PRSS23: variants seen among roughly 807,000 people sequenced by gnomAD.
PRSS23 encodes serine protease 23.
Under a neutral mutation model 34.7 loss-of-function variants are expected in PRSS23, and 25 were observed. The observed-to-expected ratio is 0.72, with a 90% CI of 0.53 to 1.01. PRSS23 has a LOEUF of 1.01. Among genes scored for constraint, PRSS23 ranks in the 50% least tolerant of loss-of-function variants. The probability of loss-of-function intolerance (pLI) is 0.00; values close to 1 mark genes in which losing one functional copy is unlikely to be tolerated. For synonymous variants in PRSS23, 176 were observed against 186.6 expected, an observed-to-expected ratio of 0.94 and a Z score of 0.46; for missense variants, 445 against 475.6, an observed-to-expected ratio of 0.94 and a Z score of 0.60.
chr11:86,950,898 A>AT (rs1242181001), intron 2 of PRSS23: 16 of 575,588 alleles, frequency 2.8e-5, no homozygotes, highest in Non-Finnish European at 4.9e-5. Flanking sequence ...CAACGTTTTG[A>AT]TTTTTCACAG....
chr11:86,853,547 G>T (rs1052840746), intron 2 of PRSS23, among the ~76,000 whole-genome samples: 1 of 152,034 alleles, frequency 6.6e-6, no homozygotes, highest in South Asian at 2.1e-4. Flanking sequence ...GAGCCACTGC[G>T]CTGGCCAGAA....
upstream of PRSS23, among the ~76,000 whole-genome samples, chr11:86,799,833 G>C (rs961224863): frequency 1.3e-5 from 2 of 152,100 alleles, no homozygotes; most frequent in Non-Finnish European, 2.9e-5. Context: ...AGCCACCGCC[G>C]CTCAGAAGCT....
rs987865650 is a variant in PRSS23 at position 86,891,830 on chromosome 11, G to A, written c.207-59386G>A. Among the ~76,000 whole-genome samples the A allele has an allele frequency of 1.0e-3, 158 of 152,194 alleles. 1 individual carries two copies. The highest frequency in any genetic ancestry group is 3.5e-3 in the African/African-American group (144 of 41,516). Reference sequence around the variant, plus strand: ...AGATCTGATGGTTTTCTAAGTGTTTGGTAGTTCCTCCTGCGTTCATTCTCC... The same window carrying A: ...AGATCTGATGGTTTTCTAAGTGTTTAGTAGTTCCTCCTGCGTTCATTCTCC... On this transcript the variant is annotated intron_variant, in intron 2 of 2. Coordinates refer to the PRSS23 transcript ENST00000533902.
At chr11:86,811,903 C>G (rs911672814), downstream of PRSS23, among the ~76,000 whole-genome samples, 1 of 152,082 alleles carries the variant, frequency 6.6e-6, no homozygotes, top group Non-Finnish European at 1.5e-5. Flanking sequence ...GGAATTCTGA[C>G]AGTGATCCCC....
chr11:86,891,406 C>T (rs1948840169), intron 2 of PRSS23, among the ~76,000 whole-genome samples: 1 of 152,054 alleles, frequency 6.6e-6, no homozygotes, highest in African/African-American at 2.4e-5. Context: ...CAGGGTATTC[C>T]ATAAATCATC....
intron 2 of PRSS23, among the ~76,000 whole-genome samples, chr11:86,925,604 C>A (rs1949075967): frequency 6.6e-6 from 1 of 152,154 alleles, no homozygotes; most frequent in South Asian, 2.1e-4. Flanking sequence ...CAGAATATTA[C>A]AATAATAACA....
At chr11:86,907,584 C>T (rs1024791454) in intron 2 of PRSS23, among the ~76,000 whole-genome samples, 9 of 152,038 alleles carry the variant, frequency 5.9e-5, no homozygotes, top group African/African-American at 7.2e-5. Flanking sequence ...CTTAGCCTCC[C>T]GAGTAGCTGA....
intron 2 of PRSS23, among the ~76,000 whole-genome samples, chr11:86,887,168 C>T (rs1948807988): frequency 6.6e-6 from 1 of 152,168 alleles, no homozygotes; most frequent in African/African-American, 2.4e-5. Flanking sequence ...GACTCCAGAG[C>T]TGTGCTCGTT....
Position 86,810,260 on chromosome 11 carries a change from C to T in PRSS23, c.*1465C>T. On this transcript the variant is annotated 3_prime_UTR_variant, in exon 2 of 2. Coordinates refer to ENST00000280258, the MANE Select transcript of PRSS23 (RefSeq NM_007173.6). ...CAAATGGACTACAAGCACGTGTTTGCTGTGCTTGCACCCCAGGTAAACCTG... is the reference window on the plus strand; with the variant it reads ...CAAATGGACTACAAGCACGTGTTTGTTGTGCTTGCACCCCAGGTAAACCTG... The T allele has an allele frequency of 6.0e-6, 1 of 166,844 alleles. No individual in the cohort carries two copies. The allele number at this position is 166,844 out of a possible 1,614,324, so 10.3% of individuals were successfully genotyped here. A position where few individuals can be genotyped will look rare whatever the true frequency, so the allele number is the denominator to read the frequency against.
Position 86,811,149 on chromosome 11 carries a change from A to C in PRSS23, c.*2354A>C, listed in dbSNP as rs1362992376. The C allele has an allele frequency of 6.0e-6, 1 of 167,128 alleles. No individual in the cohort carries two copies. Among genetic ancestry groups the C allele is most frequent in the African/African-American group, 2.4e-5 (1 of 41,466 alleles). 10.4% of individuals were successfully genotyped at this position (167,128 alleles called of 1,614,324 possible). Reference sequence around the variant, plus strand: ...CAGAGGTTCACATGCCTGTCTGCACATTAAAAGCTCTGGGAAGACCTGTTG... The same window carrying C: ...CAGAGGTTCACATGCCTGTCTGCACCTTAAAAGCTCTGGGAAGACCTGTTG... On this transcript the variant is annotated 3_prime_UTR_variant, in exon 2 of 2. Coordinates refer to ENST00000280258, the MANE Select transcript of PRSS23 (RefSeq NM_007173.6).
At chr11:86,801,428 A>G (rs576512654) in intron 1 of PRSS23, among the ~76,000 whole-genome samples, 2 of 152,356 alleles carry the variant, frequency 1.3e-5, no homozygotes, top group East Asian at 3.9e-4. Flanking sequence ...GCAGCTGATA[A>G]AAATCCTGTT....
intron 2 of PRSS23, among the ~76,000 whole-genome samples, chr11:86,922,800 T>C (rs547838241): frequency 6.6e-6 from 1 of 152,358 alleles, no homozygotes; most frequent in South Asian, 2.1e-4. Flanking sequence ...CTGGTATGTT[T>C]GTTCACCTTC....
chr11:86,802,330 G>C (rs903779026), intron 1 of PRSS23, among the ~76,000 whole-genome samples: 4 of 152,190 alleles, frequency 2.6e-5, no homozygotes, highest in Admixed American at 6.5e-5. Context: ...TTGTGTTTAG[G>C]GTTGCTTGGA....
At chr11:86,839,368 G>C (rs928708683) in intron 2 of PRSS23, among the ~76,000 whole-genome samples, 1 of 150,916 alleles carries the variant, frequency 6.6e-6, no homozygotes, top group African/African-American at 2.4e-5. Context: ...GTGACTGAAG[G>C]TCAAATTAAT....
At chr11:86,859,446 A>G (rs536957791) in intron 2 of PRSS23, among the ~76,000 whole-genome samples, 2 of 151,686 alleles carry the variant, frequency 1.3e-5, no homozygotes, top group South Asian at 2.1e-4. Context: ...GGCTTATATT[A>G]CTCCCAATAT....
chr11:86,802,101 G>A (rs1948046888), intron 1 of PRSS23, among the ~76,000 whole-genome samples: 1 of 152,186 alleles, frequency 6.6e-6, no homozygotes, highest in African/African-American at 2.4e-5. Context: ...AATAGTCTCA[G>A]GTTCTCCCAG....
chr11:86,798,939 C>G (rs12291288), upstream of PRSS23, among the ~76,000 whole-genome samples: 3 of 152,188 alleles, frequency 2.0e-5, no homozygotes, highest in Admixed American at 1.3e-4. Flanking sequence ...AAGCAATCTG[C>G]CCACTTTGGT....
At chr11:86,832,696 T>C in intron 2 of PRSS23, 1 of 332,520 alleles carries the variant, frequency 3.0e-6, no homozygotes, top group Non-Finnish European at 5.9e-6. Context: ...CAACGACTTT[T>C]CCATAAAATA....
At chr11:86,797,032 G>A (rs1038741074), upstream of PRSS23, among the ~76,000 whole-genome samples, 1 of 152,240 alleles carries the variant, frequency 6.6e-6, no homozygotes, top group Admixed American at 6.5e-5. Context: ...TCCTCGAGCT[G>A]AGGGGTATTT....
Sources: gnomAD v4.1 joint callset for allele counts (sites outside exome capture counted in the v4.1 genomes callset) on GRCh38, gnomAD v4.1.1 for gene constraint, MANE v1.5 for transcripts, NCBI Gene and HGNC (gene_info 2026-07-23, HGNC 2026-07-21) for gene names.